Variants in CEP83 observed in about 807,000 individuals in gnomAD.
CEP83 encodes the protein centrosomal protein of 83 kDa.
Under a neutral mutation model 101.9 loss-of-function variants are expected in CEP83, and 70 were observed. The ratio of observed to expected loss-of-function variants is 0.69; its 90% CI spans 0.57 to 0.84. The LOEUF is 0.84. CEP83 is among the 40% of genes least tolerant of loss of function. CEP83 has a pLI of 0.00. For missense variants in CEP83, 715 were observed against 787.2 expected (o/e 0.91, Z 1.10); for synonymous variants, 264 against 267.9 (o/e 0.99, Z 0.14).
chr12:94,328,012 G>A (rs544696010), intron 14 of CEP83, among the ~76,000 whole-genome samples: 21 of 152,296 alleles, frequency 1.4e-4, no homozygotes, highest in Admixed American at 4.6e-4. Context: ...TCTCCCCAGT[G>A]TATAGTGTAA....
chr12:94,306,489 T>G (rs777208772), downstream of CEP83: 9 of 152,190 alleles, frequency 5.9e-5, no homozygotes, highest in Non-Finnish European at 8.8e-5. Context: ...ATTCCTGAAT[T>G]TTTGCTGCTC....
At chr12:94,365,815 A>T (rs2176899) in intron 11 of CEP83, among the ~76,000 whole-genome samples, 42,471 of 151,506 alleles carry the variant, frequency 0.28, 6,386 homozygotes, top group Non-Finnish European at 0.34. Flanking sequence ...TTAAATGAAC[A>T]TAGGAGACTA....
At chr12:94,335,053 A>C (rs2059393574) in intron 12 of CEP83, among the ~76,000 whole-genome samples, 3 of 152,136 alleles carry the variant, frequency 2.0e-5, no homozygotes. Flanking sequence ...ATAGGGAAAA[A>C]AACAACAACA....
intron 14 of CEP83, 27 bp downstream of exon 14, chr12:94,331,673 G>A (rs1170004654): frequency 6.2e-7 from 1 of 1,610,452 alleles, no homozygotes; most frequent in Non-Finnish European, 8.5e-7. Flanking sequence ...TGCCTGGCCA[G>A]AGATCACTTT....
chr12:94,416,581 A>C (rs1426515559), intron 2 of CEP83, among the ~76,000 whole-genome samples: 14 of 110,016 alleles, frequency 1.3e-4, no homozygotes, highest in East Asian at 2.4e-4. Flanking sequence ...CACAAAAAAA[A>C]AAAAACTGTA....
At chr12:94,316,112 A>T (rs986085920) in intron 14 of CEP83, among the ~76,000 whole-genome samples, 1 of 152,132 alleles carries the variant, frequency 6.6e-6, no homozygotes, top group South Asian at 2.1e-4. Context: ...CTTAATATTG[A>T]ATCTTCCAAG....
At chr12:94,403,396 A>C in intron 4 of CEP83, 134 bp from the exon 5 acceptor site, 1 of 544,632 alleles carries the variant, frequency 1.8e-6, no homozygotes, top group Non-Finnish European at 3.2e-6. Context: ...TACAGTGATC[A>C]CTATACAAAT....
intron 11 of CEP83, among the ~76,000 whole-genome samples, chr12:94,360,000 C>T (rs1047216880): frequency 6.6e-6 from 1 of 152,116 alleles, no homozygotes; most frequent in Admixed American, 6.5e-5. Context: ...AAATGTGATA[C>T]ATCGTATCAA....
In CEP83 at chr12:94,333,713, A is replaced by G; in HGVS notation, c.1420-74T>C. On this transcript the variant is annotated intron_variant, in intron 12 of 16. Transcript: ENST00000397809. ...GTAAGGTATGAGAGAAGCAGAAGAT[A>G]CTAAGCATCTCCCTTTGCAAATGCT... 3.5e-6 allele frequency: 5 copies of G among 1,430,140 alleles called. No homozygotes were observed. In the South Asian group the frequency reaches 5.0e-5, roughly 14 times the overall value. The allele number at this position is 1,430,140 out of a possible 1,614,324, so 88.6% of individuals were successfully genotyped here.
chr12:94,386,567 C>A (rs2062160499), intron 6 of CEP83, among the ~76,000 whole-genome samples: 1 of 152,168 alleles, frequency 6.6e-6, no homozygotes, highest in Admixed American at 6.5e-5. Flanking sequence ...TCTCCAGAAC[C>A]TAAGATGGGG....
chr12:94,367,046 G>A (rs1012877053), intron 11 of CEP83, among the ~76,000 whole-genome samples: 1 of 152,052 alleles, frequency 6.6e-6, no homozygotes, highest in Non-Finnish European at 1.5e-5. Flanking sequence ...TTACTTTCAG[G>A]AGAATTCCAA....
intron 6 of CEP83, 29 bp downstream of exon 6, chr12:94,400,821 C>A: frequency 7.5e-7 from 1 of 1,337,788 alleles, no homozygotes; most frequent in South Asian, 2.3e-5. Flanking sequence ...AGAACAATAA[C>A]AAAGAAACTC....
chr12:94,334,061 A>C (rs1250613920), intron 12 of CEP83, among the ~76,000 whole-genome samples: 1 of 152,130 alleles, frequency 6.6e-6, no homozygotes, highest in African/African-American at 2.4e-5. Flanking sequence ...CTAAAAAAAA[A>C]AATCCATCCT....
At chr12:94,294,359 A>AT in the CEP83 span, 1 of 573,440 alleles carries the variant, frequency 1.7e-6, no homozygotes, top group Non-Finnish European at 3.3e-6. Flanking sequence ...GAACATAGTA[A>AT]TTCTTGATAA....
chr12:94,396,280 CTTTTTTTT>C (rs776434390), intron 6 of CEP83, among the ~76,000 whole-genome samples: 2 of 90,948 alleles, frequency 2.2e-5, no homozygotes, highest in African/African-American at 4.6e-5. Context: ...AAAAGCATGA[CTTTTTTTT>C]TTTTTTTTTT....
At chr12:94,296,888 TAGG>T in the CEP83 span, among the ~76,000 whole-genome samples, 2 of 152,110 alleles carry the variant, frequency 1.3e-5, no homozygotes, top group African/African-American at 4.8e-5. Context: ...CCCTGGCACA[TAGG>T]AGGTGTTCTA....
chr12:94,416,624 G>A (rs2064296828), intron 2 of CEP83, among the ~76,000 whole-genome samples: 1 of 151,380 alleles, frequency 6.6e-6, no homozygotes, highest in African/African-American at 2.4e-5. Flanking sequence ...CAAAGATTAG[G>A]TGGAAGCCAA....
At chr12:94,298,867 A>G in the CEP83 span, 1 of 1,394,308 alleles carries the variant, frequency 7.2e-7, no homozygotes, top group Non-Finnish European at 9.9e-7. Context: ...AAAGACATAG[A>G]TAGTTATAGA....
At chr12:94,311,650 G>A (rs749583517) in intron 15 of CEP83, among the ~76,000 whole-genome samples, 1 of 152,200 alleles carries the variant, frequency 6.6e-6, no homozygotes, top group Non-Finnish European at 1.5e-5. Context: ...GACTGTGTGA[G>A]AATAGGAAAA....
Sources: allele counts gnomAD v4.1 joint callset (sites outside exome capture counted in the v4.1 genomes callset), GRCh38; gene constraint gnomAD v4.1.1; transcripts MANE v1.5; gene names NCBI Gene and HGNC (gene_info 2026-07-23, HGNC 2026-07-21).